Variants in PDGFB observed in about 807,000 individuals in gnomAD.
PDGFB encodes platelet derived growth factor subunit B, also known as platelet-derived growth factor subunit B.
Under a neutral mutation model 29.0 loss-of-function variants are expected in PDGFB, and 6 were observed. The observed-to-expected ratio is 0.21, with a 90% confidence interval of 0.11 to 0.41. PDGFB has a LOEUF of 0.41. PDGFB is among the 10% of genes least tolerant of loss of function. The pLI is 1.00. For missense variants in PDGFB, 299 were observed against 341.8 expected, an observed-to-expected ratio of 0.87 and a Z score of 0.99; for synonymous variants, 144 against 140.8, an observed-to-expected ratio of 1.02 and a Z score of -0.16.
At position 39,235,874 on chromosome 22, in the gene PDGFB, C is replaced by T; in HGVS notation, c.64G>A (p.Gly22Arg). 2 of 1,611,840 alleles carry T rather than the reference C, an allele frequency of 1.2e-6. No individual in the cohort carries two copies. The highest frequency in any genetic ancestry group is 1.1e-5 in the South Asian group (1 of 91,008). ...TAAAGCTCCTCGGGAATGGGGTCCC[C>T]CTGCCGGGCAGACACCAAAAGGCTG... Reference protein sequence around the residue: ...CCYLRLVSAEGDPIPEELYEM... With the variant: ...CCYLRLVSAERDPIPEELYEM... Residue 22 changes from glycine to arginine, a missense_variant and splice_region_variant, in exon 2 of 7, where the codon GGG becomes AGG. By Grantham distance (125) the Gly-to-Arg change is moderately radical (BLOSUM62 -2). Coordinates refer to ENST00000331163, the MANE Select transcript of PDGFB (RefSeq NM_002608.4).
At position 39,242,064 on chromosome 22, in the gene PDGFB, G is replaced by A. The variant is rs979062641; in HGVS notation, c.63+1837C>T. 5.2e-5 allele frequency: 12 copies of A among 230,682 alleles called. No individual in the cohort carries two copies. The highest frequency in any genetic ancestry group is 8.6e-5 in the Non-Finnish European group (10 of 116,436). The allele number at this position is 230,682 out of a possible 1,614,324, so 14.3% of individuals were successfully genotyped here. ...GGCGAGCACCAGGCGCTGGGTGCAC[G>A]GGGGCCCGTGCGTGCCTGTGTACGT... On this transcript the variant is annotated intron_variant, in intron 1 of 6. Transcript: ENST00000331163. The surrounding 1 kb of genome is among the most constrained non-coding windows in gnomAD (Gnocchi z 5.7).
intron 3 of PDGFB, among the ~76,000 whole-genome samples, chr22:39,232,095 G>C (rs1932323282): frequency 6.6e-6 from 1 of 152,220 alleles, no homozygotes; most frequent in Non-Finnish European, 1.5e-5. Context: ...TCAGAGTGTG[G>C]GGCATGTTGT....
At chr22:39,237,569 G>A (rs535993321) in intron 1 of PDGFB, among the ~76,000 whole-genome samples, 105 of 152,220 alleles carry the variant, frequency 6.9e-4, no homozygotes, top group Non-Finnish European at 1.3e-3. Context: ...GCCTCCTCCC[G>A]CCCTCAAGCA....
At chr22:39,228,100 T>G (rs9611117) in intron 5 of PDGFB, among the ~76,000 whole-genome samples, 56,577 of 151,966 alleles carry the variant, frequency 0.37, 11,071 homozygotes, top group Middle Eastern at 0.49. Flanking sequence ...ACTGACCACA[T>G]TATCACAGAG....
In PDGFB at chr22:39,243,781, G is replaced by T; in HGVS notation, c.63+120C>A. 2.8e-6 allele frequency: 2 copies of T among 714,222 alleles called. No homozygotes were observed. The highest frequency in any genetic ancestry group is 4.3e-5 in the South Asian group (2 of 46,380). The allele number at this position is 714,222 out of a possible 1,614,324, so 44.2% of individuals were successfully genotyped here. ...AGCCCGAAGAGGTCACCCAGCGCCC[G>T]GCGTCAGGCTCGCGGGCTGCAAGGG... On this transcript the variant is annotated intron_variant, in intron 1 of 6. Transcript: ENST00000331163. The surrounding 1 kb of genome is among the most constrained non-coding windows in gnomAD (Gnocchi z 6.4).
intron 1 of PDGFB, among the ~76,000 whole-genome samples, chr22:39,236,236 GC>G (rs1932439466): frequency 6.6e-6 from 1 of 152,248 alleles, no homozygotes; most frequent in African/African-American, 2.4e-5. Context: ...GCTGAAGACA[GC>G]CAGCATCTCC....
chr22:39,236,312 T>G (rs1932441357), intron 1 of PDGFB, among the ~76,000 whole-genome samples: 1 of 152,240 alleles, frequency 6.6e-6, no homozygotes. Context: ...GCTCAATTAT[T>G]GGCAAAAGCT....
intron 1 of PDGFB, among the ~76,000 whole-genome samples, chr22:39,240,288 ACGGGGCCAGGGGATTC>A (rs1428929259): frequency 6.6e-6 from 1 of 151,916 alleles, no homozygotes; most frequent in African/African-American, 2.4e-5. Flanking sequence ...CAGCCAGGGG[ACGGGGCCAGGGGATTC>A]TGCCATTCTT....
At chr22:39,228,893 A>AAAAAAAATATATATAT (rs1184799325) in intron 5 of PDGFB, among the ~76,000 whole-genome samples, 182 of 132,598 alleles carry the variant, frequency 1.4e-3, no homozygotes, top group South Asian at 4.6e-3. Flanking sequence ...CCTCAAAAAA[A>AAAAAAAATATATATAT]ATATATATAT....
In PDGFB at chr22:39,243,784, G is replaced by C; in HGVS notation, c.63+117C>G. 4.0e-6 allele frequency: 3 copies of C among 748,112 alleles called. No homozygotes were observed. Among genetic ancestry groups the C allele is most frequent in the East Asian group, 6.5e-5 (2 of 30,842 alleles). 46.3% of individuals were successfully genotyped at this position (748,112 alleles called of 1,614,324 possible). On this transcript the variant is annotated intron_variant, in intron 1 of 6. Coordinates refer to ENST00000331163, the MANE Select transcript of PDGFB (RefSeq NM_002608.4). The surrounding 1 kb of genome is among the most constrained non-coding windows in gnomAD (Gnocchi z 6.4). ...CCGAAGAGGTCACCCAGCGCCCGGCGTCAGGCTCGCGGGCTGCAAGGGTCC... is the reference window on the plus strand; with the variant it reads ...CCGAAGAGGTCACCCAGCGCCCGGCCTCAGGCTCGCGGGCTGCAAGGGTCC...
In PDGFB at chr22:39,223,599, C is replaced by T. The variant is rs1009557570; in HGVS notation, c.*1743G>A. 4.6e-5 allele frequency: 7 copies of T among 152,736 alleles called. No homozygotes were observed. The highest frequency in any genetic ancestry group is 9.6e-5 in the African/African-American group (4 of 41,460). 9.5% of individuals were successfully genotyped at this position (152,736 alleles called of 1,614,324 possible). A position where few individuals can be genotyped will look rare whatever the true frequency, so the allele number is the denominator to read the frequency against. On this transcript the variant is annotated 3_prime_UTR_variant, in exon 7 of 7. Coordinates refer to ENST00000331163, the MANE Select transcript of PDGFB (RefSeq NM_002608.4). ...TGAGGCTCCCAGAGTGAGAGGAACA[C>T]GCCGCAAGCTGTCGGCACATCCTGC... is the stretch of plus-strand genomic sequence containing the variant.
At position 39,243,912 on chromosome 22, in the gene PDGFB, C is replaced by G. The variant is rs764421332; in HGVS notation, c.52G>C (p.Val18Leu). 4 of 1,607,230 alleles carry G rather than the reference C, an allele frequency of 2.5e-6. No homozygotes were observed. The highest frequency in any genetic ancestry group is 2.5e-6 in the Non-Finnish European group (3 of 1,177,224). ...FLSLCCYLRL[V>L]SAEGDPIPEE... ...CCGTGGCAACTCACCTCGGCGCTGA[C>G]CAGACGCAGGTAGCAGCAGAGAGAC... Residue 18 changes from valine to leucine, a missense_variant, in exon 1 of 7, where the codon GTC (valine) becomes CTC (leucine). Physicochemically the swap from Val to Leu is conservative, Grantham distance 32 (BLOSUM62 1). Coordinates refer to ENST00000331163, the MANE Select transcript of PDGFB (RefSeq NM_002608.4). This position sits in a 1 kb window ranked among gnomAD's most constrained non-coding sequence, Gnocchi z 6.4.
intron 3 of PDGFB, among the ~76,000 whole-genome samples, chr22:39,233,095 AG>A (rs1932350646): frequency 6.6e-6 from 1 of 152,192 alleles, no homozygotes; most frequent in African/African-American, 2.4e-5. Context: ...ACCGCTCCCT[AG>A]CAGTGTGACC....
chr22:39,243,299 T>C lies in PDGFB; in HGVS notation c.63+602A>G, dbSNP rs574963029. On this transcript the variant is annotated intron_variant, in intron 1 of 6. Transcript: ENST00000331163. The surrounding 1 kb of genome is among the most constrained non-coding windows in gnomAD (Gnocchi z 6.4). ...TTCTCTCTCTCTCTCTCTCTCTCCCTGTTACTCCCACCCCAAACCCCGCGC... is the reference window on the plus strand; with the variant it reads ...TTCTCTCTCTCTCTCTCTCTCTCCCCGTTACTCCCACCCCAAACCCCGCGC... Among the ~76,000 whole-genome samples the C allele has an allele frequency of 1.4e-3, 207 of 150,734 alleles. No individual in the cohort carries two copies. The highest frequency in any genetic ancestry group is 5.1e-3 in the African/African-American group (206 of 40,720).
At chr22:39,230,594 G>A (rs899821304) in intron 4 of PDGFB, among the ~76,000 whole-genome samples, 2 of 152,218 alleles carry the variant, frequency 1.3e-5, no homozygotes, top group African/African-American at 4.8e-5. Flanking sequence ...AAGGAAGTGG[G>A]GGGAGGCTTC....
chr22:39,225,594 C>G (rs1345372160), intron 6 of PDGFB, 101 bp downstream of exon 6: 10 of 1,214,340 alleles, frequency 8.2e-6, no homozygotes, highest in Non-Finnish European at 1.0e-5. Context: ...GGCTCAGAGG[C>G]TGGATTTTCT....
Position 39,242,460 on chromosome 22 carries a change from G to A in PDGFB, c.63+1441C>T, listed in dbSNP as rs1221935015. Among the ~76,000 whole-genome samples the A allele has an allele frequency of 6.6e-6, 1 of 150,472 alleles. No individual in the cohort carries two copies. The highest frequency in any genetic ancestry group is 1.5e-5 in the Non-Finnish European group (1 of 67,398). ...GCCACCCCCTCCCCAACAGCTGGCC[G>A]CGGCCCGGGGGGCTGCGGGAGAGGC... On this transcript the variant is annotated intron_variant, in intron 1 of 6. Transcript: ENST00000331163. The surrounding 1 kb of genome is among the most constrained non-coding windows in gnomAD (Gnocchi z 5.7).
chr22:39,229,877 G>A (rs959557817), intron 5 of PDGFB, among the ~76,000 whole-genome samples: 1 of 152,230 alleles, frequency 6.6e-6, no homozygotes, highest in Non-Finnish European at 1.5e-5. Flanking sequence ...GGTTGGCAGA[G>A]ACCAGAGAGC....
At chr22:39,237,635 T>C (rs1932477768) in intron 1 of PDGFB, among the ~76,000 whole-genome samples, 1 of 152,160 alleles carries the variant, frequency 6.6e-6, no homozygotes, top group African/African-American at 2.4e-5. Flanking sequence ...CTCCAAATGT[T>C]GACAAAGTAC....
Sources: gnomAD v4.1 joint callset for allele counts (sites outside exome capture counted in the v4.1 genomes callset) on GRCh38, gnomAD v4.1.1 for gene constraint, Gnocchi (gnomAD v3.1) non-coding constraint, MANE v1.5 for transcripts, NCBI Gene and HGNC (gene_info 2026-07-23, HGNC 2026-07-21) for gene names.